Variants in GUCY1A2 observed in about 807,000 individuals in gnomAD.
GUCY1A2 encodes the protein guanylate cyclase soluble subunit alpha-2.
Under a neutral mutation model 63.5 loss-of-function variants are expected in GUCY1A2, and 27 were observed. The observed-to-expected ratio is 0.43, with a 90% CI of 0.31 to 0.59. The LOEUF is 0.59. Among genes scored for constraint, GUCY1A2 ranks in the 20% least tolerant of loss-of-function variants. The pLI is 0.11. For missense variants in GUCY1A2, 768 were observed against 913.3 expected (o/e 0.84, Z 2.05); for synonymous variants, 364 against 343.5 (o/e 1.06, Z -0.66).
intron 7 of GUCY1A2, among the ~76,000 whole-genome samples, chr11:106,689,680 G>A (rs977123065): frequency 3.3e-5 from 5 of 152,076 alleles, no homozygotes; most frequent in African/African-American, 1.2e-4. Context: ...TTTAACACCA[G>A]TCAGAATGGC....
rs185812664 is a variant in GUCY1A2, at chr11:106,832,266, T to C, written c.1207-21788A>G. On this transcript the variant is annotated intron_variant, in intron 4 of 7. Transcript: ENST00000526355. ...TTCTCTAAATAATTTAAATGGTTTC[T>C]TAAATCTCAGTGTTCACAAGCAGTG... Among the ~76,000 whole-genome samples, 11 of 152,294 alleles carry C rather than the reference T, an allele frequency of 7.2e-5. No homozygotes were observed. In the East Asian group the frequency reaches 1.7e-3, roughly 24 times the overall value.
chr11:106,989,370 G>T (rs1861442330), intron 1 of GUCY1A2, among the ~76,000 whole-genome samples: 2 of 151,784 alleles, frequency 1.3e-5, no homozygotes, highest in African/African-American at 2.4e-5. Flanking sequence ...TTAGTTAAAT[G>T]ATCTTTTTAA....
intron 4 of GUCY1A2, among the ~76,000 whole-genome samples, chr11:106,822,135 A>G (rs925030869): frequency 5.9e-5 from 9 of 152,214 alleles, no homozygotes; most frequent in African/African-American, 2.2e-4. Flanking sequence ...TAAAGGAATA[A>G]TAGAACAGTT....
At chr11:106,708,464 C>A (rs764791177) in intron 7 of GUCY1A2, 48 bp downstream of exon 7, 4 of 1,514,720 alleles carry the variant, frequency 2.6e-6, no homozygotes, top group Non-Finnish European at 3.6e-6. Flanking sequence ...AGCATAGCAG[C>A]CCAAAACAAA....
At chr11:106,891,694 T>G (rs989898341) in intron 4 of GUCY1A2, among the ~76,000 whole-genome samples, 1 of 152,262 alleles carries the variant, frequency 6.6e-6, no homozygotes, top group Admixed American at 6.5e-5. Context: ...ATTGAATTGC[T>G]TTGGTGCCTT....
Position 106,957,855 on chromosome 11 carries a change from CTTTTTTTTTTTTTTTTTTT to C in GUCY1A2, c.488-17696_488-17678del, listed in dbSNP as rs59519013. ...AGTCCAGTCTGAGCAAAGGGACAAACTTTTTTTTTTTTTTTTTTTTTTTTTTTTTTTTTTCAGAAAAAAA... is the reference window on the plus strand; with the variant it reads ...AGTCCAGTCTGAGCAAAGGGACAAACTTTTTTTTTTTTTTTCAGAAAAAAA... On this transcript the variant is annotated intron_variant, in intron 3 of 7. Transcript: ENST00000526355. Among the ~76,000 whole-genome samples the C allele has an allele frequency of 8.0e-5, 7 of 87,258 alleles. No individual in the cohort carries two copies. The South Asian group carries it at 1.8e-3, about 23-fold the overall frequency. The allele number at this position is 87,258 out of a possible 152,430, so 57.2% of individuals were successfully genotyped here. A position where few individuals can be genotyped will look rare whatever the true frequency, so the allele number is the denominator to read the frequency against.
At chr11:106,701,052 G>A (rs1457362730) in intron 7 of GUCY1A2, among the ~76,000 whole-genome samples, 2 of 152,104 alleles carry the variant, frequency 1.3e-5, no homozygotes, top group Non-Finnish European at 2.9e-5. Flanking sequence ...CCCAAGGAAT[G>A]TCATCATTCT....
Position 107,017,770 on chromosome 11 carries a change from G to T in GUCY1A2, c.286C>A (p.Arg96Ser). Residue 96 changes from arginine to serine, a missense_variant, in exon 1 of 8, where the codon CGC becomes AGC. This residue lies in a region of GUCY1A2 where 496 missense variants were observed against 486.9 expected (regional missense o/e 1.02). Coordinates refer to ENST00000526355, the MANE Select transcript of GUCY1A2 (RefSeq NM_000855.3). ...NLDSLGESIS[R>S]LTAPSPQTIQ... Reference sequence around the variant, plus strand: ...CCGCTCACCGAGGGCGCCGTCAGGCGGCTGATGCTCTCGCCCAGCGAGTCC... The same window carrying T: ...CCGCTCACCGAGGGCGCCGTCAGGCTGCTGATGCTCTCGCCCAGCGAGTCC... 1 of 1,421,232 alleles carries T rather than the reference G, an allele frequency of 7.0e-7. No homozygotes were observed. Among genetic ancestry groups the T allele is most frequent in the Non-Finnish European group, 9.2e-7 (1 of 1,087,098 alleles). The allele number at this position is 1,421,232 out of a possible 1,614,324, so 88.0% of individuals were successfully genotyped here.
chr11:106,958,015 C>T (rs10890627), intron 3 of GUCY1A2, among the ~76,000 whole-genome samples: 137,865 of 151,934 alleles, frequency 0.91, 62,634 homozygotes, highest in East Asian at 1. Flanking sequence ...ATTAGACAAA[C>T]AGCATTAGAT....
chr11:106,695,476 C>T (rs1257010290), intron 7 of GUCY1A2, among the ~76,000 whole-genome samples: 2 of 152,036 alleles, frequency 1.3e-5, no homozygotes, highest in East Asian at 1.9e-4. Flanking sequence ...AGAAGGACGA[C>T]GGTTCTGAAA....
chr11:106,770,256 T>C (rs1258700286), intron 6 of GUCY1A2, among the ~76,000 whole-genome samples: 1 of 152,132 alleles, frequency 6.6e-6, no homozygotes, highest in Non-Finnish European at 1.5e-5. Context: ...AGATTACTTA[T>C]AATATGTAAC....
chr11:106,793,323 CTCTTA>C (rs1382471000), intron 5 of GUCY1A2, among the ~76,000 whole-genome samples: 1 of 152,066 alleles, frequency 6.6e-6, no homozygotes, highest in African/African-American at 2.4e-5. Context: ...TTAGATCCTT[CTCTTA>C]TGACATACAG....
intron 4 of GUCY1A2, among the ~76,000 whole-genome samples, chr11:106,887,828 T>C (rs1341180064): frequency 6.6e-6 from 1 of 152,232 alleles, no homozygotes; most frequent in Non-Finnish European, 1.5e-5. Context: ...TATTCAGTGG[T>C]ATACACTGAT....
intron 4 of GUCY1A2, among the ~76,000 whole-genome samples, chr11:106,864,851 C>G (rs544333194): frequency 6.6e-6 from 1 of 152,070 alleles, no homozygotes; most frequent in Non-Finnish European, 1.5e-5. Context: ...CATCAATGTT[C>G]ATCAGGGATA....
At chr11:106,800,527 A>G (rs1274955715) in intron 5 of GUCY1A2, among the ~76,000 whole-genome samples, 4 of 152,100 alleles carry the variant, frequency 2.6e-5, no homozygotes, top group East Asian at 3.9e-4. Context: ...AGAAAATGTG[A>G]CAGATATACA....
chr11:106,939,973 A>C lies in GUCY1A2; in HGVS notation c.693T>G (p.Pro231=), dbSNP rs374384547. 38 of 1,614,092 alleles carry C rather than the reference A, an allele frequency of 2.4e-5. No homozygotes were observed. The East Asian group carries it at 3.1e-4, about 13-fold the overall frequency. Reference sequence around the variant, plus strand: ...AGTAGTGGAGCATGAGAGTACCTTCAGGGAGCTCTTTGCATAGGAAAGATG... The same window carrying C: ...AGTAGTGGAGCATGAGAGTACCTTCCGGGAGCTCTTTGCATAGGAAAGATG... ...ESPSFLCKEL[P]EGTLMLHYFH... The change falls in exon 4 of 8, where the codon CCT becomes CCG. Residue 231 remains proline, a synonymous_variant. Transcript: ENST00000526355.
chr11:106,688,319 C>T (rs1034067663), intron 7 of GUCY1A2, among the ~76,000 whole-genome samples: 4 of 152,108 alleles, frequency 2.6e-5, no homozygotes, highest in African/African-American at 9.7e-5. Context: ...TATCCAAACT[C>T]GATAGCATTA....
chr11:106,704,703 T>C (rs1474129627), intron 7 of GUCY1A2, among the ~76,000 whole-genome samples: 1 of 152,180 alleles, frequency 6.6e-6, no homozygotes, highest in East Asian at 1.9e-4. Context: ...TAGTTTGCAC[T>C]GTAGCAAGAA....
intron 1 of GUCY1A2, among the ~76,000 whole-genome samples, chr11:106,990,539 C>G (rs1474976733): frequency 6.6e-6 from 1 of 152,252 alleles, no homozygotes. Context: ...CCAGATGGTG[C>G]GGGGATCAGG....
Sources: allele counts gnomAD v4.1 joint callset (sites outside exome capture counted in the v4.1 genomes callset), GRCh38; gene constraint gnomAD v4.1.1; regional missense constraint gnomAD v4.1.1; transcripts MANE v1.5; gene names NCBI Gene and HGNC (gene_info 2026-07-23, HGNC 2026-07-21).